The following GNG11 variants were observed in gnomAD, a reference collection of about 807,000 sequenced individuals.
The protein encoded by GNG11 is G protein subunit gamma 11.
A neutral mutation model predicts 7.4 loss-of-function variants in GNG11; 6 were observed. The ratio of observed to expected loss-of-function variants is 0.81; its 90% CI spans 0.44 to 1.60. GNG11 has a LOEUF of 1.60. Among genes scored for constraint, GNG11 ranks in the 40% most tolerant of loss-of-function variants. GNG11 has a pLI of 0.01. For synonymous variants in GNG11, 31 were observed against 25.9 expected, an observed-to-expected ratio of 1.20 and a Z score of -0.60; for missense variants, 65 against 83.0, an observed-to-expected ratio of 0.78 and a Z score of 0.84.
Position 93,922,108 on chromosome 7 carries a change from A to AG in GNG11, c.-29dup, listed in dbSNP as rs199535095. On this transcript the variant is annotated 5_prime_UTR_variant, in exon 1 of 2. Coordinates refer to ENST00000248564, the MANE Select transcript of GNG11 (RefSeq NM_004126.4). Reference sequence around the variant, plus strand: ...GCTCTTCCAGCGGCTCCGCTGCCAGAGCTAGCCCGAGCCCGGTTCTGGGGC... The same window carrying AG: ...GCTCTTCCAGCGGCTCCGCTGCCAGAGGCTAGCCCGAGCCCGGTTCTGGGGC... 0.021 allele frequency: 30,581 copies of AG among 1,445,572 alleles called. 461 individuals are homozygous for AG. The highest frequency in any genetic ancestry group is 0.025 in the Non-Finnish European group (26,542 of 1,044,200). The allele number at this position is 1,445,572 out of a possible 1,614,324, so 89.5% of individuals were successfully genotyped here.
rs925756221 is a variant in GNG11 at position 93,927,819 on chromosome 7, A to G, written c.*1603A>G. 6.6e-6 allele frequency: 1 copy of G among 152,176 alleles called. No individual in the cohort carries two copies. The highest frequency in any genetic ancestry group is 1.5e-5 in the Non-Finnish European group (1 of 68,028). The allele number at this position is 152,176 out of a possible 1,614,324, so 9.4% of individuals were successfully genotyped here. A position where few individuals can be genotyped will look rare whatever the true frequency, so the allele number is the denominator to read the frequency against. On this transcript the variant is annotated 3_prime_UTR_variant, in exon 2 of 2. Transcript: ENST00000248564. The stretch of plus-strand genomic sequence containing the variant: ...CATCAATTGGCATTACTGAGAGCCC[A>G]GGGATAATTTTAGCCCAAAACTACT...
chr7:93,926,031 G>A (rs553225190), intron 1 of GNG11, 60 bp from the exon 2 acceptor site: 27 of 1,004,290 alleles, frequency 2.7e-5, no homozygotes, highest in East Asian at 1.1e-4. Context: ...TCATTAAGGC[G>A]TAGGGACAAA....
rs898915795 is a variant in GNG11 at position 93,928,597 on chromosome 7, A to G, written c.*2381A>G. The stretch of plus-strand genomic sequence containing the variant: ...GTAATTATTTACTATTTGATTAAAA[A>G]TAGTTATCATGCATTGTGTAGTGAG... On this transcript the variant is annotated 3_prime_UTR_variant, in exon 2 of 2. Transcript: ENST00000248564. 4 of 152,190 alleles carry G rather than the reference A, an allele frequency of 2.6e-5. No homozygotes were observed. The highest frequency in any genetic ancestry group is 2.6e-4 in the Admixed American group (4 of 15,278). The allele number at this position is 152,190 out of a possible 1,614,324, so 9.4% of individuals were successfully genotyped here.
Position 93,926,071 on chromosome 7 carries a change from C to CT in GNG11, c.97-12dup, listed in dbSNP as rs572946152. 142 of 1,438,118 alleles carry CT rather than the reference C, an allele frequency of 9.9e-5. No individual in the cohort carries two copies. The highest frequency in any genetic ancestry group is 1.9e-4 in the South Asian group (14 of 72,678). 89.1% of individuals were successfully genotyped at this position (1,438,118 alleles called of 1,614,324 possible). ...AAACAACCCTAACCTAATGTATTCT[C>CT]TTTTTTTTCTATACTTAAGGTGTCT... On this transcript the variant is annotated intron_variant, in intron 1 of 1. Coordinates refer to ENST00000248564, the MANE Select transcript of GNG11 (RefSeq NM_004126.4).
intron 1 of GNG11, among the ~76,000 whole-genome samples, chr7:93,922,968 G>A (rs542162322): frequency 1.3e-5 from 2 of 152,172 alleles, no homozygotes; most frequent in African/African-American, 2.4e-5. Context: ...GAAACGTCTC[G>A]GGAGTTTTAT....
In GNG11 at chr7:93,926,573, C is replaced by T. The variant is rs1303240158; in HGVS notation, c.*357C>T. 3 of 155,978 alleles carry T rather than the reference C, an allele frequency of 1.9e-5. No homozygotes were observed. The highest frequency in any genetic ancestry group is 3.7e-4 in the East Asian group (2 of 5,382). 9.7% of individuals were successfully genotyped at this position (155,978 alleles called of 1,614,324 possible). On this transcript the variant is annotated 3_prime_UTR_variant, in exon 2 of 2. Transcript: ENST00000248564. Reference sequence around the variant, plus strand: ...ATGCATTAACTTTTATATTTCTCCCCGTAATCTTTTGGGTGTGGAGTATGA... The same window carrying T: ...ATGCATTAACTTTTATATTTCTCCCTGTAATCTTTTGGGTGTGGAGTATGA...
At chr7:93,925,876 G>A (rs1186751110) in intron 1 of GNG11, among the ~76,000 whole-genome samples, 2 of 151,606 alleles carry the variant, frequency 1.3e-5, no homozygotes, top group Non-Finnish European at 2.9e-5. Flanking sequence ...TGCATCATAG[G>A]TATAGTAATA....
In GNG11 at chr7:93,927,268, T is replaced by A. The variant is rs1405848595; in HGVS notation, c.*1052T>A. On this transcript the variant is annotated 3_prime_UTR_variant, in exon 2 of 2. Transcript: ENST00000248564. ...TTCTCCCAGTCTGTGGCTTACCTTT[T>A]CACAGTGACCTTCCCTTCAGTGGTT... is the stretch of plus-strand genomic sequence containing the variant. 1 of 152,256 alleles carries A rather than the reference T, an allele frequency of 6.6e-6. No individual in the cohort carries two copies. Among genetic ancestry groups the A allele is most frequent in the Non-Finnish European group, 1.5e-5 (1 of 68,064 alleles). 9.4% of individuals were successfully genotyped at this position (152,256 alleles called of 1,614,324 possible). A position where few individuals can be genotyped will look rare whatever the true frequency, so the allele number is the denominator to read the frequency against.
At position 93,922,251 on chromosome 7, in the gene GNG11, G is replaced by T; in HGVS notation, c.96+18G>T. On this transcript the variant is annotated intron_variant, in intron 1 of 1. Coordinates refer to ENST00000248564, the MANE Select transcript of GNG11 (RefSeq NM_004126.4). ...GACAACAAGTAAGTTGGCTGTTCCG[G>T]AATATTTCCTTCTCTGAAATGAAGC... 7.0e-7 allele frequency: 1 copy of T among 1,427,132 alleles called. No individual in the cohort carries two copies. The highest frequency in any genetic ancestry group is 1.4e-5 in the African/African-American group (1 of 71,252). 88.4% of individuals were successfully genotyped at this position (1,427,132 alleles called of 1,614,324 possible).
Position 93,927,486 on chromosome 7 carries a change from A to G in GNG11, c.*1270A>G, listed in dbSNP as rs566149269. On this transcript the variant is annotated 3_prime_UTR_variant, in exon 2 of 2. Transcript: ENST00000248564. ...AAACGTGGAAAAACCCTTGCTGGTT[A>G]GCTCTAGCTCAAATGGACTTAGTCA... 6.6e-6 allele frequency: 1 copy of G among 152,346 alleles called. No homozygotes were observed. Among genetic ancestry groups the G allele is most frequent in the South Asian group, 2.1e-4 (1 of 4,826 alleles). The allele number at this position is 152,346 out of a possible 1,614,324, so 9.4% of individuals were successfully genotyped here.
Position 93,928,474 on chromosome 7 carries a change from A to G in GNG11, c.*2258A>G, listed in dbSNP as rs757716359. 1.3e-5 allele frequency: 2 copies of G among 152,240 alleles called. No individual in the cohort carries two copies. The highest frequency in any genetic ancestry group is 6.5e-5 in the Admixed American group (1 of 15,286). 9.4% of individuals were successfully genotyped at this position (152,240 alleles called of 1,614,324 possible). A position where few individuals can be genotyped will look rare whatever the true frequency, so the allele number is the denominator to read the frequency against. On this transcript the variant is annotated 3_prime_UTR_variant, in exon 2 of 2. Coordinates refer to ENST00000248564, the MANE Select transcript of GNG11 (RefSeq NM_004126.4). Reference sequence around the variant, plus strand: ...TTAAAAAAGAAAAAATACATCCACTATATATTTAGATATATTGTAAATGTA... The same window carrying G: ...TTAAAAAAGAAAAAATACATCCACTGTATATTTAGATATATTGTAAATGTA...
chr7:93,924,296 G>A (rs1794648908), intron 1 of GNG11, among the ~76,000 whole-genome samples: 1 of 152,192 alleles, frequency 6.6e-6, no homozygotes, highest in African/African-American at 2.4e-5. Flanking sequence ...CTCACATTTG[G>A]AGGTTACAGA....
Position 93,924,385 on chromosome 7 carries a change from C to G in GNG11, c.97-1706C>G, listed in dbSNP as rs956274941. 7.9e-5 allele frequency among the ~76,000 whole-genome samples: 12 copies of G among 152,258 alleles called. No individual in the cohort carries two copies. In the East Asian group the frequency reaches 1.2e-3, roughly 15 times the overall value. On this transcript the variant is annotated intron_variant, in intron 1 of 1. Transcript: ENST00000248564. ...GCATGTATCTTGCTGAGAAATTAACCTGGGACGACAGACCCTAAATTATGA... is the reference window on the plus strand; with the variant it reads ...GCATGTATCTTGCTGAGAAATTAACGTGGGACGACAGACCCTAAATTATGA...
chr7:93,924,379 A>G (rs1217485484), intron 1 of GNG11, among the ~76,000 whole-genome samples: 1 of 152,224 alleles, frequency 6.6e-6, no homozygotes. Flanking sequence ...TTGCTGAGAA[A>G]TTAACCTGGG....
At position 93,926,725 on chromosome 7, in the gene GNG11, GA is replaced by G. The variant is rs1794684801; in HGVS notation, c.*512del. 1 of 152,246 alleles carries G rather than the reference GA, an allele frequency of 6.6e-6. No individual in the cohort carries two copies. The highest frequency in any genetic ancestry group is 2.4e-5 in the African/African-American group (1 of 41,466). 9.4% of individuals were successfully genotyped at this position (152,246 alleles called of 1,614,324 possible). On this transcript the variant is annotated 3_prime_UTR_variant, in exon 2 of 2. Transcript: ENST00000248564. The stretch of plus-strand genomic sequence containing the variant: ...TGTTTGATCTAACCTTAACTATTAA[GA>G]AACTGAGCAGGTAGAATTCCTATAA...
chr7:93,925,397 T>C (rs1232537614), intron 1 of GNG11, among the ~76,000 whole-genome samples: 1 of 152,192 alleles, frequency 6.6e-6, no homozygotes, highest in Non-Finnish European at 1.5e-5. Flanking sequence ...TTTTTCTCCA[T>C]CTCAGAAAAA....
chr7:93,923,408 G>T (rs550013621), intron 1 of GNG11, among the ~76,000 whole-genome samples: 1 of 152,068 alleles, frequency 6.6e-6, no homozygotes, highest in African/African-American at 2.4e-5. Context: ...CATGTTAAGG[G>T]TTTGTAGCTT....
chr7:93,924,215 C>T (rs73229313), intron 1 of GNG11, among the ~76,000 whole-genome samples: 13,328 of 152,254 alleles, frequency 0.088, 1,417 homozygotes, highest in East Asian at 0.56. Flanking sequence ...AAGTTGCATT[C>T]TGGCTGTAGT....
intron 1 of GNG11, among the ~76,000 whole-genome samples, chr7:93,922,458 CCTAA>C (rs1794627837): frequency 6.6e-6 from 1 of 152,016 alleles, no homozygotes; most frequent in South Asian, 2.1e-4. Flanking sequence ...GGCCAAATGT[CCTAA>C]CTTTTAAGAT....
Sources: allele counts gnomAD v4.1 joint callset (sites outside exome capture counted in the v4.1 genomes callset), GRCh38; gene constraint gnomAD v4.1.1; transcripts MANE v1.5; gene names NCBI Gene and HGNC (gene_info 2026-07-23, HGNC 2026-07-21).